ABLIM1: variants seen among roughly 807,000 people sequenced by gnomAD.
The protein encoded by ABLIM1 is actin binding LIM protein 1.
ABLIM1 carries 40 observed loss-of-function variants against 107.0 expected under a neutral mutation model. The ratio of observed to expected loss-of-function variants is 0.37; its 90% CI spans 0.29 to 0.49. The LOEUF is 0.49. Among genes scored for constraint, ABLIM1 ranks in the 20% least tolerant of loss-of-function variants. The pLI, the probability that ABLIM1 is intolerant of heterozygous loss-of-function variation, is 0.97. For synonymous variants in ABLIM1, 357 were observed against 357.3 expected (o/e 1.00, Z 0.01); for missense variants, 857 against 1,008.5 (o/e 0.85, Z 2.04).
At chr10:114,632,358 G>A (rs571671647) in intron 1 of ABLIM1, 3 of 985,424 alleles carry the variant, frequency 3.0e-6, no homozygotes, top group Non-Finnish European at 3.6e-6. Context: ...GAGGAGGACC[G>A]AGCACCAGCT....
At chr10:114,461,367 G>A (rs2063853200) in intron 12 of ABLIM1, among the ~76,000 whole-genome samples, 1 of 145,552 alleles carries the variant, frequency 6.9e-6, no homozygotes, top group South Asian at 2.2e-4. Flanking sequence ...TTATATTAAA[G>A]TCTCTTTAAA....
intron 1 of ABLIM1, among the ~76,000 whole-genome samples, chr10:114,640,631 C>CATA (rs1377806915): frequency 6.6e-6 from 1 of 152,144 alleles, no homozygotes. Context: ...GAATAAAGTA[C>CATA]ATAACATCTA....
intron 5 of ABLIM1, among the ~76,000 whole-genome samples, chr10:114,547,172 C>A (rs533364392): frequency 6.6e-6 from 1 of 151,596 alleles, no homozygotes. Flanking sequence ...AAAAAAAAAG[C>A]CTCACTTCCT....
intron 10 of ABLIM1, among the ~76,000 whole-genome samples, chr10:114,471,964 C>T (rs930850208): frequency 6.6e-6 from 1 of 151,998 alleles, no homozygotes; most frequent in African/African-American, 2.4e-5. Flanking sequence ...GGGTAGGAAG[C>T]GACCACAGAG....
chr10:114,444,277 G>T, intron 16 of ABLIM1, 143 bp from the exon 17 acceptor site: 1 of 677,052 alleles, frequency 1.5e-6, no homozygotes, highest in Non-Finnish European at 2.4e-6. Context: ...CCAGAGCCTG[G>T]TAGTTCCTGA....
chr10:114,688,853 A>G (rs2081005710), upstream of ABLIM1, among the ~76,000 whole-genome samples: 2 of 152,238 alleles, frequency 1.3e-5, no homozygotes, highest in African/African-American at 4.8e-5. Context: ...GTAGGGTGAT[A>G]TAAAAGACAA....
At chr10:114,479,644 G>A (rs1321771803) in intron 8 of ABLIM1, among the ~76,000 whole-genome samples, 1 of 152,140 alleles carries the variant, frequency 6.6e-6, no homozygotes, top group Admixed American at 6.5e-5. Context: ...AGGCTTAAGT[G>A]ACACACATGG....
intron 1 of ABLIM1, among the ~76,000 whole-genome samples, chr10:114,622,586 T>C (rs1051938088): frequency 6.6e-6 from 1 of 152,172 alleles, no homozygotes; most frequent in African/African-American, 2.4e-5. Context: ...CCTTCTCATG[T>C]TTCAAATAGA....
At chr10:114,490,753 TCA>T (rs1246734223) in intron 7 of ABLIM1, among the ~76,000 whole-genome samples, 1 of 151,280 alleles carries the variant, frequency 6.6e-6, no homozygotes, top group African/African-American at 2.4e-5. Context: ...ATATATATAA[TCA>T]GTTTCATAAA....
At chr10:114,530,260 T>C (rs1283686615) in intron 6 of ABLIM1, among the ~76,000 whole-genome samples, 1 of 152,168 alleles carries the variant, frequency 6.6e-6, no homozygotes, top group Non-Finnish European at 1.5e-5. Flanking sequence ...AGGGACTCAG[T>C]GCTAAGGCTC....
chr10:114,750,699 A>G (rs1411685937), intron 1 of ABLIM1, among the ~76,000 whole-genome samples: 3 of 152,232 alleles, frequency 2.0e-5, no homozygotes, highest in Non-Finnish European at 4.4e-5. Flanking sequence ...TCAAACAGTA[A>G]GATAGTAAAA....
chr10:114,727,344 C>T (rs182383626), intron 1 of ABLIM1, among the ~76,000 whole-genome samples: 11 of 152,216 alleles, frequency 7.2e-5, no homozygotes, highest in Non-Finnish European at 1.0e-4. Context: ...GAGTATAATG[C>T]GATATCTAGG....
intron 1 of ABLIM1, among the ~76,000 whole-genome samples, chr10:114,664,554 A>T (rs527804510): frequency 1.1e-4 from 17 of 150,220 alleles, no homozygotes; most frequent in African/African-American, 3.7e-4. Context: ...ATTTTATTTT[A>T]TTTTTTTTTG....
intron 4 of ABLIM1, among the ~76,000 whole-genome samples, chr10:114,550,312 C>T (rs1397127456): frequency 1.3e-5 from 2 of 151,470 alleles, no homozygotes; most frequent in Non-Finnish European, 2.9e-5. Flanking sequence ...TGGAAGGCCA[C>T]GATATTAGTT....
chr10:114,581,800 A>G (rs1486614409), intron 2 of ABLIM1, among the ~76,000 whole-genome samples: 4 of 152,064 alleles, frequency 2.6e-5, no homozygotes, highest in African/African-American at 7.2e-5. Flanking sequence ...CACCCTCCTC[A>G]TTTCCAGTGA....
chr10:114,677,567 G>A (rs1394634449), intron 1 of ABLIM1, among the ~76,000 whole-genome samples: 1 of 152,140 alleles, frequency 6.6e-6, no homozygotes, highest in Non-Finnish European at 1.5e-5. Context: ...GAGGCCAGGT[G>A]TTTAAGACCA....
At chr10:114,524,270 A>G (rs1229769149) in intron 6 of ABLIM1, among the ~76,000 whole-genome samples, 1 of 152,242 alleles carries the variant, frequency 6.6e-6, no homozygotes, top group African/African-American at 2.4e-5. Context: ...AGCTTCATGC[A>G]TTTTGTAATC....
chr10:114,661,151 G>A (rs542317560), upstream of ABLIM1, among the ~76,000 whole-genome samples: 5 of 152,254 alleles, frequency 3.3e-5, no homozygotes, highest in East Asian at 1.9e-4. Flanking sequence ...GGAATTATAC[G>A]TAAGAATTTT....
chr10:114,614,174 G>A (rs10787542), intron 1 of ABLIM1, among the ~76,000 whole-genome samples: 79,931 of 151,888 alleles, frequency 0.53, 21,836 homozygotes, highest in Non-Finnish European at 0.61. Flanking sequence ...AAAGTAGGCC[G>A]GGTGCGGTGG....
Sources: gnomAD v4.1 joint callset for allele counts (sites outside exome capture counted in the v4.1 genomes callset) on GRCh38, gnomAD v4.1.1 for gene constraint, MANE v1.5 for transcripts, NCBI Gene and HGNC (gene_info 2026-07-23, HGNC 2026-07-21) for gene names.